The following MAP4 variants were observed in gnomAD, a reference collection of about 807,000 sequenced individuals.
The protein encoded by MAP4 is microtubule-associated protein 4.
A neutral mutation model predicts 170.2 loss-of-function variants in MAP4; 76 were observed. The ratio of observed to expected loss-of-function variants is 0.45; its 90% CI spans 0.37 to 0.54. The LOEUF is 0.54. Among genes scored for constraint, MAP4 ranks in the 20% least tolerant of loss-of-function variants. MAP4 has a pLI of 0.00. For synonymous variants in MAP4, 909 were observed against 994.5 expected (o/e 0.91, Z 1.62); for missense variants, 2,506 against 2,748.0 (o/e 0.91, Z 1.97).
At chr3:47,892,105 G>A in intron 10 of MAP4, 5 of 1,536,108 alleles carry the variant, frequency 3.3e-6, no homozygotes, top group Non-Finnish European at 3.5e-6. Flanking sequence ...GTCCCAGATG[G>A]AACTCGGAGG....
chr3:47,886,957 C>T (rs1042411523), intron 10 of MAP4, among the ~76,000 whole-genome samples: 2 of 152,254 alleles, frequency 1.3e-5, no homozygotes, highest in Non-Finnish European at 2.9e-5. Context: ...GTAAATCTTC[C>T]TAAAGCTGAC....
At chr3:48,035,831 T>C (rs2154525593) in intron 1 of MAP4, among the ~76,000 whole-genome samples, 1 of 152,088 alleles carries the variant, frequency 6.6e-6, no homozygotes, top group South Asian at 2.1e-4. Flanking sequence ...TCCCAGCTAC[T>C]CGGGAGGCTG....
chr3:47,909,218 G>A lies in MAP4; in HGVS notation c.5203C>T (p.Gln1735Ter), dbSNP rs2153482048. The stretch of plus-strand genomic sequence containing the variant: ...GATTCAGATTTTTCTGTCATTTTCT[G>A]AGGTGTCTCCAAAATCTTATCTTTG... ...EPKDKILETPQKMTEKSESKT... is the reference protein window; with the variant it reads ...EPKDKILETP Residue 1735 changes from glutamine (Q) to a stop codon, truncating the protein, a stop_gained, in exon 9 of 21, where the codon CAG becomes TAG. Coordinates refer to ENST00000683076, the MANE Select transcript of MAP4 (RefSeq NM_001385682.1). LOFTEE classifies it high-confidence loss of function. 9.3e-6 allele frequency: 15 copies of A among 1,613,816 alleles called. No individual in the cohort carries two copies. Among genetic ancestry groups the A allele is most frequent in the Non-Finnish European group, 1.0e-5 (12 of 1,179,860 alleles).
chr3:47,865,292 C>T (rs913026624), intron 17 of MAP4, among the ~76,000 whole-genome samples: 1 of 152,200 alleles, frequency 6.6e-6, no homozygotes, highest in Non-Finnish European at 1.5e-5. Flanking sequence ...CCAGTTCCCT[C>T]AGAACCCCTG....
In MAP4 at chr3:47,905,579, A is replaced by G. The variant is rs539497908; in HGVS notation, c.5384-2579T>C. On this transcript the variant is annotated intron_variant, in intron 9 of 20. Transcript: ENST00000683076. ...AAAACCCCACAAACAAGCAAATTCTAGATTGGCCAACAATTTAAAATGAAA... is the reference window on the plus strand; with the variant it reads ...AAAACCCCACAAACAAGCAAATTCTGGATTGGCCAACAATTTAAAATGAAA... 1.2e-4 allele frequency among the ~76,000 whole-genome samples: 18 copies of G among 152,042 alleles called. No individual in the cohort carries two copies. The South Asian group carries it at 3.5e-3, about 30-fold the overall frequency.
At chr3:47,992,367 T>C (rs749385353) in intron 2 of MAP4, among the ~76,000 whole-genome samples, 5 of 152,198 alleles carry the variant, frequency 3.3e-5, no homozygotes, top group Non-Finnish European at 7.3e-5. Flanking sequence ...CTACAACTTT[T>C]AGGAAGCTGG....
chr3:47,854,040 G>A (rs189055391), intron 19 of MAP4, among the ~76,000 whole-genome samples: 11 of 152,308 alleles, frequency 7.2e-5, no homozygotes, highest in South Asian at 2.1e-4. Context: ...GCTGGAAAGC[G>A]TGTGTCGCCA....
intron 1 of MAP4, among the ~76,000 whole-genome samples, chr3:48,056,693 C>G (rs1325569167): frequency 5.2e-5 from 5 of 96,020 alleles, no homozygotes; most frequent in Admixed American, 9.1e-5. Flanking sequence ...CCCGGCCAGC[C>G]GCCCCGTCTG....
intron 1 of MAP4, among the ~76,000 whole-genome samples, chr3:48,027,352 A>T (rs895325337): frequency 6.6e-6 from 1 of 152,170 alleles, no homozygotes; most frequent in Non-Finnish European, 1.5e-5. Context: ...AATTAGGACA[A>T]ACATCTCCCA....
Position 47,921,771 on chromosome 3 carries a change from T to C in MAP4, c.523A>G (p.Ser175Gly). 3.8e-6 allele frequency: 6 copies of C among 1,599,030 alleles called. No homozygotes were observed. The highest frequency in any genetic ancestry group is 1.7e-5 in the Admixed American group (1 of 59,928). Residue 175 changes from serine (S) to glycine (G), a missense_variant, in exon 5 of 21, where the codon AGT (serine) becomes GGT (glycine). This residue lies in a region of MAP4 where 2,008 missense variants were observed against 2,206.0 expected (regional missense o/e 0.91). Coordinates refer to ENST00000683076, the MANE Select transcript of MAP4 (RefSeq NM_001385682.1). The stretch of plus-strand genomic sequence containing the variant: ...CCATTTGAAGAAGCCATACCGTAAC[T>C]GTCTTTCAAGGGATCATTTTGTCCT... ...FAGQNDPLKD[S>G]YGMSPCNTAV...
chr3:48,006,123 A>G (rs533553661), intron 1 of MAP4, among the ~76,000 whole-genome samples: 2 of 152,190 alleles, frequency 1.3e-5, no homozygotes, highest in Non-Finnish European at 2.9e-5. Flanking sequence ...TGGACAAAAG[A>G]CTAATTTGAA....
At chr3:47,946,756 CAA>C (rs2154067004) in intron 3 of MAP4, among the ~76,000 whole-genome samples, 1 of 146,922 alleles carries the variant, frequency 6.8e-6, no homozygotes, top group Non-Finnish European at 1.5e-5. Context: ...ATGTGATATA[CAA>C]AACAGGAATT....
intron 3 of MAP4, among the ~76,000 whole-genome samples, chr3:47,940,943 T>C (rs1474855613): frequency 6.6e-6 from 1 of 152,044 alleles, no homozygotes; most frequent in African/African-American, 2.4e-5. Flanking sequence ...AATGGTGCAA[T>C]CTCGGCTCAC....
chr3:47,854,304 G>A (rs549441573), intron 19 of MAP4, among the ~76,000 whole-genome samples: 6 of 152,138 alleles, frequency 3.9e-5, no homozygotes, highest in Non-Finnish European at 8.8e-5. Flanking sequence ...CACGAGGTAT[G>A]GGGGGCACGA....
chr3:47,952,775 T>G (rs2100065279), intron 3 of MAP4, among the ~76,000 whole-genome samples: 1 of 151,718 alleles, frequency 6.6e-6, no homozygotes, highest in Non-Finnish European at 1.5e-5. Context: ...AATACAAAAA[T>G]TGGTCGGGTG....
intron 2 of MAP4, among the ~76,000 whole-genome samples, chr3:47,995,031 T>C (rs552862018): frequency 6.6e-6 from 1 of 152,112 alleles, no homozygotes; most frequent in East Asian, 1.9e-4. Context: ...GAGAACTGTC[T>C]GGCTAGGGTG....
chr3:48,056,279 G>A (rs1241241111), intron 1 of MAP4, among the ~76,000 whole-genome samples: 36 of 85,836 alleles, frequency 4.2e-4, no homozygotes, highest in East Asian at 8.4e-4. Context: ...TCAGCCCCCC[G>A]CCCGGCCAGC....
At chr3:47,921,561 T>C (rs1319310200) in intron 5 of MAP4, among the ~76,000 whole-genome samples, 1 of 152,188 alleles carries the variant, frequency 6.6e-6, no homozygotes, top group Non-Finnish European at 1.5e-5. Context: ...AGAAGCTATA[T>C]AAGGTGGAAT....
intron 2 of MAP4, among the ~76,000 whole-genome samples, chr3:47,979,429 A>T (rs2100084161): frequency 6.6e-6 from 1 of 152,114 alleles, no homozygotes; most frequent in Non-Finnish European, 1.5e-5. Flanking sequence ...CATTTTGCCA[A>T]TACCATCCTG....
Sources: gnomAD v4.1 joint callset for allele counts (sites outside exome capture counted in the v4.1 genomes callset) on GRCh38, gnomAD v4.1.1 for gene constraint, gnomAD v4.1.1 regional missense constraint, MANE v1.5 for transcripts, NCBI Gene and HGNC (gene_info 2026-07-23, HGNC 2026-07-21) for gene names.